The following SIK3 variants were observed in gnomAD, a reference collection of about 807,000 sequenced individuals.
The protein encoded by SIK3 is SIK family kinase 3.
A neutral mutation model predicts 144.2 loss-of-function variants in SIK3; 28 were observed. That is an observed-to-expected ratio of 0.19 (90% confidence interval 0.14 to 0.27). SIK3 has a LOEUF of 0.27. Among genes scored for constraint, SIK3 ranks in the 10% least tolerant of loss-of-function variants. The pLI, the probability that SIK3 is intolerant of heterozygous loss-of-function variation, is 1.00. For missense variants in SIK3, 1,319 were observed against 1,776.0 expected, an observed-to-expected ratio of 0.74 and a Z score of 4.62; for synonymous variants, 686 against 676.3, an observed-to-expected ratio of 1.01 and a Z score of -0.22.
intron 1 of SIK3, among the ~76,000 whole-genome samples, chr11:116,978,957 T>A (rs993457110): frequency 4.6e-5 from 7 of 152,244 alleles, no homozygotes; most frequent in Non-Finnish European, 1.0e-4. Flanking sequence ...TTACAGTTGC[T>A]AGACATTTGA....
At chr11:116,965,933 T>G (rs1431782130) in intron 1 of SIK3, among the ~76,000 whole-genome samples, 1 of 139,698 alleles carries the variant, frequency 7.2e-6, no homozygotes, top group Non-Finnish European at 1.5e-5. Context: ...AGACTCCGTC[T>G]CAAAAAAAAA....
intron 1 of SIK3, among the ~76,000 whole-genome samples, chr11:116,984,559 A>T (rs1242947728): frequency 1.3e-5 from 2 of 152,206 alleles, no homozygotes; most frequent in East Asian, 3.8e-4. Flanking sequence ...AAAGCTCAGC[A>T]AAGTATGCAT....
intron 1 of SIK3, among the ~76,000 whole-genome samples, chr11:117,080,665 G>C (rs939059404): frequency 6.6e-6 from 1 of 151,984 alleles, no homozygotes; most frequent in East Asian, 1.9e-4. Flanking sequence ...AATAAAATCT[G>C]GGCTGGGCAC....
At position 116,896,277 on chromosome 11, in the gene SIK3, G is replaced by A; in HGVS notation, c.841C>T (p.Arg281Cys). The A allele has an allele frequency of 2.5e-6, 4 of 1,613,794 alleles. No individual in the cohort carries two copies. Among genetic ancestry groups the A allele is most frequent in the Non-Finnish European group, 3.4e-6 (4 of 1,179,788 alleles). ...LRARVLSGKF[R>C]IPFFMSTECE... ...CCTGTGGACATAAAAAATGGGATGC[G>A]GAACTTTCCACTCAGCACGCGGGCC... Residue 281 changes from arginine to cysteine, a missense_variant, in exon 6 of 25, where the codon CGC becomes TGC. Physicochemically the swap from Arg to Cys is radical, Grantham distance 180. Around this residue, in one of 8 missense-constraint regions of SIK3, gnomAD observed 125 missense variants for 285.2 expected, o/e 0.44. Transcript: ENST00000445177.
chr11:116,967,398 A>G (rs1445778403), intron 1 of SIK3, among the ~76,000 whole-genome samples: 1 of 152,222 alleles, frequency 6.6e-6, no homozygotes, highest in Non-Finnish European at 1.5e-5. Context: ...TATATTGGGT[A>G]TCTTGCTAAC....
chr11:117,056,831 A>G (rs930825334), intron 1 of SIK3, among the ~76,000 whole-genome samples: 3 of 152,206 alleles, frequency 2.0e-5, no homozygotes, highest in African/African-American at 4.8e-5. Context: ...CTTTGGCAAT[A>G]TTGGTGAAAA....
In SIK3 at chr11:117,098,419, G is replaced by C. The variant is rs1404475654; in HGVS notation, c.-4C>G. 4.3e-6 allele frequency: 5 copies of C among 1,150,490 alleles called. No individual in the cohort carries two copies. Among genetic ancestry groups the C allele is most frequent in the Non-Finnish European group, 3.2e-6 (3 of 936,510 alleles). 71.3% of individuals were successfully genotyped at this position (1,150,490 alleles called of 1,614,324 possible). On this transcript the variant is annotated 5_prime_UTR_variant, in exon 1 of 25. Transcript: ENST00000445177. ...CGCTCGCCGCCGCCGCCGCCATCTT[G>C]TTGTGCAGTGAAACCTCCGGGGCCG... is the stretch of plus-strand genomic sequence containing the variant.
Position 116,913,770 on chromosome 11 carries a change from G to C in SIK3, c.616+13449C>G, listed in dbSNP as rs1900198. Among the ~76,000 whole-genome samples, 320 of 152,106 alleles carry C rather than the reference G, an allele frequency of 2.1e-3. 3 individuals are homozygous for C. In the East Asian group the frequency reaches 0.053, roughly 25 times the overall value. On this transcript the variant is annotated intron_variant, in intron 4 of 24. Coordinates refer to ENST00000445177, the MANE Select transcript of SIK3 (RefSeq NM_001366686.3). ...ATTTTAGTGTGCCTTTTATAGAACA[G>C]GATGAATCAGTGTCCCCTTAAATTC...
chr11:116,878,105 AT>A (rs1223317738), intron 6 of SIK3, among the ~76,000 whole-genome samples: 3 of 152,052 alleles, frequency 2.0e-5, no homozygotes. Context: ...GGGGATCCAA[AT>A]CCCCCAACAC....
chr11:116,940,409 T>C (rs1948223607), intron 3 of SIK3, among the ~76,000 whole-genome samples: 1 of 152,060 alleles, frequency 6.6e-6, no homozygotes, highest in South Asian at 2.1e-4. Flanking sequence ...TTTGTATTTT[T>C]TAGTAAAGAC....
chr11:117,052,574 G>T (rs577060002), intron 1 of SIK3, among the ~76,000 whole-genome samples: 1 of 152,308 alleles, frequency 6.6e-6, no homozygotes, highest in East Asian at 1.9e-4. Context: ...AGGTTTATAA[G>T]AAGAAAGTGG....
At chr11:116,959,276 T>G (rs1049276493) in intron 1 of SIK3, among the ~76,000 whole-genome samples, 2 of 151,990 alleles carry the variant, frequency 1.3e-5, no homozygotes, top group Non-Finnish European at 2.9e-5. Context: ...GAAGTTGCAG[T>G]GAGCTATGAT....
chr11:117,095,552 A>G (rs1326742932), intron 1 of SIK3, among the ~76,000 whole-genome samples: 1 of 152,160 alleles, frequency 6.6e-6, no homozygotes, highest in African/African-American at 2.4e-5. Flanking sequence ...GTACCTATGC[A>G]CCTTCACCAT....
chr11:116,900,134 G>A (rs1370615191), intron 4 of SIK3, among the ~76,000 whole-genome samples: 2 of 152,056 alleles, frequency 1.3e-5, no homozygotes, highest in South Asian at 4.2e-4. Flanking sequence ...ACTTGCTTGG[G>A]AAGAAACACC....
intron 1 of SIK3, among the ~76,000 whole-genome samples, chr11:116,997,037 A>G (rs1301614918): frequency 6.6e-6 from 1 of 152,188 alleles, no homozygotes; most frequent in Non-Finnish European, 1.5e-5. Context: ...TTATCAAAAA[A>G]GAATTCCCAA....
intron 6 of SIK3, among the ~76,000 whole-genome samples, chr11:116,884,770 C>A (rs900093190): frequency 1.3e-5 from 2 of 152,242 alleles, no homozygotes; most frequent in African/African-American, 4.8e-5. Context: ...TGCCACCAAG[C>A]CTGACAAGGA....
chr11:117,056,101 G>A (rs538451987), intron 1 of SIK3, among the ~76,000 whole-genome samples: 1 of 152,322 alleles, frequency 6.6e-6, no homozygotes, highest in East Asian at 1.9e-4. Context: ...CAACAGGGAA[G>A]TAGATATATT....
chr11:117,070,031 G>A (rs1374996656), intron 1 of SIK3, among the ~76,000 whole-genome samples: 3 of 152,116 alleles, frequency 2.0e-5, no homozygotes, highest in Non-Finnish European at 4.4e-5. Context: ...GGGCATTTAA[G>A]CCCAAAAGAT....
chr11:116,913,777 T>A (rs1946463267), intron 4 of SIK3, among the ~76,000 whole-genome samples: 1 of 152,064 alleles, frequency 6.6e-6, no homozygotes, highest in Non-Finnish European at 1.5e-5. Context: ...ACAGGATGAA[T>A]CAGTGTCCCC....
Sources: gnomAD v4.1 joint callset for allele counts (sites outside exome capture counted in the v4.1 genomes callset) on GRCh38, gnomAD v4.1.1 for gene constraint, gnomAD v4.1.1 regional missense constraint, MANE v1.5 for transcripts, NCBI Gene and HGNC (gene_info 2026-07-23, HGNC 2026-07-21) for gene names.